SPATA13: variants seen among roughly 807,000 people sequenced by gnomAD.
The protein encoded by SPATA13 is spermatogenesis associated 13, also known as spermatogenesis-associated protein 13.
Under a neutral mutation model 104.0 loss-of-function variants are expected in SPATA13, and 50 were observed. That is an observed-to-expected ratio of 0.48 (90% CI 0.38 to 0.61). SPATA13 has a LOEUF of 0.61. Among genes scored for constraint, SPATA13 ranks in the 20% least tolerant of loss-of-function variants. SPATA13 has a pLI of 0.00. For missense variants in SPATA13, 1,524 were observed against 1,690.6 expected, an observed-to-expected ratio of 0.90 and a Z score of 1.73; for synonymous variants, 606 against 667.5, an observed-to-expected ratio of 0.91 and a Z score of 1.42.
chr13:24,212,224 G>A (rs1447463628), intron 1 of SPATA13, among the ~76,000 whole-genome samples: 1 of 151,312 alleles, frequency 6.6e-6, no homozygotes, highest in African/African-American at 2.4e-5. Flanking sequence ...GCTGTGGGGA[G>A]CTGTGATTGG....
chr13:24,160,896 C>T lies in SPATA13; in HGVS notation c.-148C>T. On this transcript the variant is annotated 5_prime_UTR_variant, in exon 1 of 13. Coordinates refer to ENST00000382108, the MANE Select transcript of SPATA13 (RefSeq NM_001166271.3). ...TGAGGGCAGGGACGTGTTGGACACGCTGACTTTGTAGGCTCCGCCAAGAGG... is the reference window on the plus strand; with the variant it reads ...TGAGGGCAGGGACGTGTTGGACACGTTGACTTTGTAGGCTCCGCCAAGAGG... 3.0e-6 allele frequency: 3 copies of T among 985,554 alleles called. No homozygotes were observed. In the African/African-American group the frequency reaches 5.2e-5, roughly 17 times the overall value. 61.1% of individuals were successfully genotyped at this position (985,554 alleles called of 1,614,324 possible).
rs139989620 is a variant in SPATA13, at chr13:24,082,011, C to T, written c.-112+64310C>T. Among the ~76,000 whole-genome samples the T allele has an allele frequency of 6.3e-3, 953 of 152,264 alleles. 2 individuals carry two copies. Among genetic ancestry groups the T allele is most frequent in the Non-Finnish European group, 0.011 (727 of 68,016 alleles). On this transcript the variant is annotated intron_variant, in intron 3 of 14. Transcript: ENST00000424834. ...TCACTGAGTGCTGCTGTATTGGTCT[C>T]GAATGGCTGCACCATTTGCACTCAT...
chr13:24,107,219 GC>G (rs1880481649), intron 3 of SPATA13, among the ~76,000 whole-genome samples: 1 of 98,750 alleles, frequency 1.0e-5, no homozygotes, highest in East Asian at 3.5e-4. Context: ...GTACTCAAGT[GC>G]CCTTTTGAAC....
intron 3 of SPATA13, among the ~76,000 whole-genome samples, chr13:24,138,176 G>A (rs770962648): frequency 3.3e-5 from 5 of 151,588 alleles, no homozygotes; most frequent in African/African-American, 9.7e-5. Flanking sequence ...GCGTGGTGAC[G>A]TGTGCCTGTA....
intron 2 of SPATA13, among the ~76,000 whole-genome samples, chr13:23,991,797 G>A (rs1875428437): frequency 6.6e-6 from 1 of 152,058 alleles, no homozygotes; most frequent in South Asian, 2.1e-4. Context: ...GGGGCAGGTG[G>A]GCTGGGGTTG....
At chr13:24,264,205 C>T (rs951464299) in intron 4 of SPATA13, among the ~76,000 whole-genome samples, 3 of 152,134 alleles carry the variant, frequency 2.0e-5, no homozygotes, top group African/African-American at 7.2e-5. Context: ...CAGTTCTCAA[C>T]AGCTAGAGTT....
At chr13:24,164,340 C>G (rs560003141) in intron 1 of SPATA13, among the ~76,000 whole-genome samples, 52 of 152,376 alleles carry the variant, frequency 3.4e-4, no homozygotes, top group African/African-American at 1.2e-3. Flanking sequence ...CCTCTGCTCC[C>G]TCCATGTTTA....
At chr13:24,115,482 A>G (rs920081239) in intron 3 of SPATA13, among the ~76,000 whole-genome samples, 4 of 152,268 alleles carry the variant, frequency 2.6e-5, no homozygotes, top group East Asian at 1.9e-4. Context: ...CAAACCGCGC[A>G]TGCGAAGGAT....
chr13:24,169,504 T>C (rs1210802993), intron 1 of SPATA13, among the ~76,000 whole-genome samples: 1 of 152,136 alleles, frequency 6.6e-6, no homozygotes, highest in African/African-American at 2.4e-5. Flanking sequence ...CTGACCGGCA[T>C]TGAGATAAAC....
chr13:24,241,822 C>A (rs545380998), intron 2 of SPATA13, among the ~76,000 whole-genome samples: 5 of 152,118 alleles, frequency 3.3e-5, no homozygotes, highest in African/African-American at 7.2e-5. Context: ...GAGGCCGAGG[C>A]GGGAGGACTG....
chr13:24,115,730 C>G (rs527995034), intron 3 of SPATA13, among the ~76,000 whole-genome samples: 2 of 152,328 alleles, frequency 1.3e-5, no homozygotes, highest in East Asian at 3.9e-4. Flanking sequence ...GCTTCCGGTT[C>G]CAGATTTCTC....
intron 2 of SPATA13, among the ~76,000 whole-genome samples, chr13:23,996,195 G>A (rs1239282720): frequency 3.3e-5 from 5 of 152,164 alleles, no homozygotes; most frequent in Admixed American, 3.3e-4. Flanking sequence ...GGCTTCACTG[G>A]GCTGACTCAA....
At chr13:24,058,889 T>G (rs1185026384) in intron 3 of SPATA13, among the ~76,000 whole-genome samples, 3 of 151,862 alleles carry the variant, frequency 2.0e-5, no homozygotes, top group Non-Finnish European at 4.4e-5. Flanking sequence ...TGCATTTGTT[T>G]ACCCCAGTAA....
intron 3 of SPATA13, among the ~76,000 whole-genome samples, chr13:24,109,436 T>C (rs763510777): frequency 1.3e-5 from 2 of 152,174 alleles, no homozygotes; most frequent in Non-Finnish European, 2.9e-5. Context: ...AATGTGTCTT[T>C]ATAGTGCATG....
At chr13:24,206,900 A>G (rs1870732925) in intron 1 of SPATA13, among the ~76,000 whole-genome samples, 1 of 152,116 alleles carries the variant, frequency 6.6e-6, no homozygotes, top group African/African-American at 2.4e-5. Flanking sequence ...CAAAAAAAAA[A>G]AAAAAAGATA....
rs532110077 is a variant in SPATA13, at chr13:24,176,490, T to C, written c.-112+15558T>C. Among the ~76,000 whole-genome samples the C allele has an allele frequency of 4.3e-4, 65 of 152,256 alleles. No individual in the cohort carries two copies. The South Asian group carries it at 0.013, about 31-fold the overall frequency. On this transcript the variant is annotated intron_variant, in intron 1 of 12. Transcript: ENST00000382108. ...TCCCCATGATGTCACAGTTTCCTTT[T>C]AATTTCTGCTTTTCAGATCACAAAA...
rs1399430752 is a variant in SPATA13 at position 24,306,538 on chromosome 13, T to G, written c.*3765T>G. ...CCAGCTTTCCCATAATAACCTAATC[T>G]GCAAATTGTTCTATTAAAGTCTCAT... On this transcript the variant is annotated 3_prime_UTR_variant, in exon 13 of 13. Transcript: ENST00000382108. 6.6e-6 allele frequency: 1 copy of G among 152,172 alleles called. No individual in the cohort carries two copies. Among genetic ancestry groups the G allele is most frequent in the Admixed American group, 6.5e-5 (1 of 15,272 alleles). 9.4% of individuals were successfully genotyped at this position (152,172 alleles called of 1,614,324 possible). A position where few individuals can be genotyped will look rare whatever the true frequency, so the allele number is the denominator to read the frequency against.
At chr13:24,293,063 A>C (rs1429499819) in intron 9 of SPATA13, among the ~76,000 whole-genome samples, 4 of 149,956 alleles carry the variant, frequency 2.7e-5, no homozygotes, top group Non-Finnish European at 5.9e-5. Flanking sequence ...TTAGATTGGA[A>C]AGTAAAGAAT....
At chr13:24,242,832 G>A (rs57175692) in intron 2 of SPATA13, among the ~76,000 whole-genome samples, 1 of 152,274 alleles carries the variant, frequency 6.6e-6, no homozygotes, top group East Asian at 1.9e-4. Context: ...GGGATCCTAT[G>A]CGTTCCCCTC....
Sources: gnomAD v4.1 joint callset for allele counts (sites outside exome capture counted in the v4.1 genomes callset) on GRCh38, gnomAD v4.1.1 for gene constraint, MANE v1.5 for transcripts, NCBI Gene and HGNC (gene_info 2026-07-23, HGNC 2026-07-21) for gene names.